PACS1: variants seen among roughly 807,000 people sequenced by gnomAD.
PACS1 encodes the protein phosphofurin acidic cluster sorting protein 1, also known as PACS-1.
Under a neutral mutation model 115.0 loss-of-function variants are expected in PACS1, and 24 were observed. The ratio of observed to expected loss-of-function variants is 0.21; its 90% CI spans 0.15 to 0.29. PACS1 has a LOEUF of 0.29. PACS1 is among the 10% of genes least tolerant of loss of function. The pLI, the probability that PACS1 is intolerant of heterozygous loss-of-function variation, is 1.00. For missense variants in PACS1, 838 were observed against 1,251.2 expected (o/e 0.67, Z 4.98); for synonymous variants, 453 against 504.5 (o/e 0.90, Z 1.37).
chr11:66,234,200 G>A lies in PACS1; in HGVS notation c.2062G>A (p.Gly688Ser). 2 of 1,614,162 alleles carry A rather than the reference G, an allele frequency of 1.2e-6. No individual in the cohort carries two copies. The highest frequency in any genetic ancestry group is 1.7e-6 in the Non-Finnish European group (2 of 1,179,982). Residue 688 changes from glycine to serine, a missense_variant, in exon 17 of 24, where the codon GGT (glycine) becomes AGT (serine). Physicochemically the swap from Gly to Ser is moderately conservative, Grantham distance 56. Around this residue, in one of 6 missense-constraint regions of PACS1, gnomAD observed 383 missense variants for 537.0 expected, o/e 0.71. Transcript: ENST00000320580. ...ATACAGTAGTTCCTTCCTGGATTCTGGTTGGAGAGATCTGTTCAGTCGCTC... is the reference window on the plus strand; with the variant it reads ...ATACAGTAGTTCCTTCCTGGATTCTAGTTGGAGAGATCTGTTCAGTCGCTC... The part of the protein sequence containing the change: ...SKYSSSFLDS[G>S]WRDLFSRSEP...
At chr11:66,078,876 T>A (rs1036844336) in intron 1 of PACS1, among the ~76,000 whole-genome samples, 2 of 152,192 alleles carry the variant, frequency 1.3e-5, no homozygotes, top group Non-Finnish European at 1.5e-5. Flanking sequence ...TGTGCTGAGA[T>A]ATAGGAAGGC....
At chr11:66,118,087 G>A (rs1179390905) in intron 1 of PACS1, among the ~76,000 whole-genome samples, 1 of 152,154 alleles carries the variant, frequency 6.6e-6, no homozygotes. Flanking sequence ...ACGTATGTTT[G>A]GATTATTCAT....
intron 8 of PACS1, chr11:66,220,237 C>G (rs574771538): frequency 1.4e-5 from 4 of 283,392 alleles, no homozygotes; most frequent in African/African-American, 8.7e-5. Context: ...TTTCCCTGGG[C>G]TCCGGGAGGG....
intron 1 of PACS1, among the ~76,000 whole-genome samples, chr11:66,153,144 G>C (rs966507132): frequency 2.0e-5 from 3 of 151,506 alleles, no homozygotes; most frequent in Admixed American, 2.0e-4. Context: ...TTTGAGATGG[G>C]GGTCTCACTA....
intron 1 of PACS1, among the ~76,000 whole-genome samples, chr11:66,096,334 C>T (rs1857781639): frequency 1.3e-5 from 2 of 151,530 alleles, no homozygotes; most frequent in African/African-American, 2.4e-5. Context: ...CTCAGCCTCC[C>T]GAAGTGCTGG....
In PACS1 at chr11:66,070,586, C is replaced by T. The variant is rs1857289862; in HGVS notation, c.100C>T (p.Pro34Ser). The T allele has an allele frequency of 2.0e-6, 3 of 1,500,410 alleles. No homozygotes were observed. The highest frequency in any genetic ancestry group is 2.6e-6 in the Non-Finnish European group (3 of 1,132,626). 92.9% of individuals were successfully genotyped at this position (1,500,410 alleles called of 1,614,324 possible). A position where few individuals can be genotyped will look rare whatever the true frequency, so the allele number is the denominator to read the frequency against. Residue 34 changes from proline (P) to serine (S), a missense_variant, in exon 1 of 24, where the codon CCG (proline) becomes TCG (serine). This residue lies in a region of PACS1 where 129 missense variants were observed against 109.4 expected (regional missense o/e 1.18). Transcript: ENST00000320580. This position sits in a 1 kb window ranked among gnomAD's most constrained non-coding sequence, Gnocchi z 5.9. ...GVAQSPQQPP[P>S]QQQQQQPPQQ... ...CGCCCAGTCCCCTCAGCAGCCGCCG[C>T]CGCAGCAGCAGCAGCAGCAGCCGCC...
intron 1 of PACS1, among the ~76,000 whole-genome samples, chr11:66,075,197 C>G (rs548937196): frequency 2.4e-4 from 36 of 152,164 alleles, no homozygotes. Flanking sequence ...CCCGCCTTGG[C>G]CTTCCAAAGT....
intron 7 of PACS1, chr11:66,218,561 A>T (rs1855266530): frequency 6.6e-6 from 1 of 152,154 alleles, no homozygotes; most frequent in Non-Finnish European, 1.5e-5. Flanking sequence ...AAGGCAGAAG[A>T]TACCCTATAT....
intron 1 of PACS1, among the ~76,000 whole-genome samples, chr11:66,129,660 G>A (rs1032126349): frequency 6.6e-6 from 1 of 152,076 alleles, no homozygotes; most frequent in Admixed American, 6.6e-5. Context: ...AGTAGTGTCA[G>A]AAGTGTGAGG....
chr11:66,114,597 G>A (rs1858263136), intron 1 of PACS1, among the ~76,000 whole-genome samples: 1 of 151,996 alleles, frequency 6.6e-6, no homozygotes, highest in Non-Finnish European at 1.5e-5. Context: ...AATGAATTTA[G>A]AAAATGCAAA....
intron 1 of PACS1, among the ~76,000 whole-genome samples, chr11:66,110,034 G>A (rs1198474276): frequency 6.6e-6 from 1 of 152,004 alleles, no homozygotes; most frequent in African/African-American, 2.4e-5. Flanking sequence ...CCCTCTCAAC[G>A]GGACACACAT....
intron 1 of PACS1, among the ~76,000 whole-genome samples, chr11:66,081,611 G>A (rs560341896): frequency 6.6e-6 from 1 of 152,328 alleles, no homozygotes; most frequent in East Asian, 1.9e-4. Flanking sequence ...CTCTGAAGCA[G>A]TGGCTGGGTC....
At chr11:66,224,858 C>G (rs989671219) in intron 10 of PACS1, among the ~76,000 whole-genome samples, 2 of 152,240 alleles carry the variant, frequency 1.3e-5, no homozygotes, top group African/African-American at 4.8e-5. Context: ...CCTCTCTTCC[C>G]TGGTTTCCTA....
chr11:66,110,491 G>A (rs1858163235), intron 1 of PACS1, among the ~76,000 whole-genome samples: 1 of 151,976 alleles, frequency 6.6e-6, no homozygotes, highest in Non-Finnish European at 1.5e-5. Context: ...TGATTTTAAT[G>A]GCATGTCTTG....
chr11:66,241,205 G>T, intron 21 of PACS1: 3 of 518,672 alleles, frequency 5.8e-6, no homozygotes, highest in South Asian at 2.8e-5. Context: ...ATTTTATTTG[G>T]TTTCCTTTTC....
chr11:66,149,090 CTTTT>C (rs10717909), intron 1 of PACS1, among the ~76,000 whole-genome samples: 2 of 98,132 alleles, frequency 2.0e-5, no homozygotes, highest in Admixed American at 2.4e-4. Context: ...TGCACACGCA[CTTTT>C]TTTTTTTTTT....
intron 1 of PACS1, among the ~76,000 whole-genome samples, chr11:66,139,990 A>AC (rs1463371498): frequency 6.6e-6 from 1 of 152,218 alleles, no homozygotes; most frequent in African/African-American, 2.4e-5. Flanking sequence ...GTGCCAAACT[A>AC]CAGGAGAAGG....
rs892186400 is a variant in PACS1, at chr11:66,231,006, G to A, written c.1626+66G>A. 9 of 1,590,470 alleles carry A rather than the reference G, an allele frequency of 5.7e-6. No individual in the cohort carries two copies. The Admixed American group carries it at 8.3e-5, about 15-fold the overall frequency. ...TTCCCTGAACTTCAGGCTCTGTTTT[G>A]TTGGCTTCCTTGGACAGTTAGTTGG... On this transcript the variant is annotated intron_variant, in intron 13 of 23. Transcript: ENST00000320580.
intron 1 of PACS1, among the ~76,000 whole-genome samples, chr11:66,189,035 C>T (rs981517381): frequency 2.0e-5 from 3 of 152,020 alleles, no homozygotes; most frequent in African/African-American, 4.8e-5. Context: ...TTCCAGCATC[C>T]GTATCTGTAA....
Sources: allele counts gnomAD v4.1 joint callset (sites outside exome capture counted in the v4.1 genomes callset), GRCh38; gene constraint gnomAD v4.1.1; regional missense constraint gnomAD v4.1.1; non-coding constraint Gnocchi (gnomAD v3.1); transcripts MANE v1.5; gene names NCBI Gene and HGNC (gene_info 2026-07-23, HGNC 2026-07-21).